Variants in PLEKHG1 observed in about 807,000 individuals in gnomAD.
PLEKHG1 encodes the protein pleckstrin homology and RhoGEF domain containing G1, also known as pleckstrin homology domain-containing family G member 1.
PLEKHG1 carries 44 observed loss-of-function variants against 100.8 expected under a neutral mutation model. That is an observed-to-expected ratio of 0.44 (90% CI 0.34 to 0.56). The LOEUF (loss-of-function observed/expected upper bound fraction) is 0.56. Ranked by LOEUF, PLEKHG1 falls within the 20% of genes least tolerant of loss-of-function variation. The pLI is 0.01. For synonymous variants in PLEKHG1, 640 were observed against 662.5 expected, an observed-to-expected ratio of 0.97 and a Z score of 0.52; for missense variants, 1,545 against 1,720.9, an observed-to-expected ratio of 0.90 and a Z score of 1.81.
intron 15 of PLEKHG1, among the ~76,000 whole-genome samples, chr6:150,838,371 G>T (rs117159558): frequency 0.02 from 3,053 of 152,276 alleles, 42 homozygotes; most frequent in Non-Finnish European, 0.031. Flanking sequence ...ACACAAATCT[G>T]TAAACTTTCT....
intron 2 of PLEKHG1, among the ~76,000 whole-genome samples, chr6:150,742,642 C>T (rs1181777798): frequency 6.6e-6 from 1 of 150,854 alleles, no homozygotes; most frequent in Non-Finnish European, 1.5e-5. Flanking sequence ...AGAGCTCACT[C>T]ACTGTCCTGA....
At position 150,640,173 on chromosome 6, in the gene PLEKHG1, T is replaced by C. The variant is rs973984009; in HGVS notation, c.-158+2048T>C. Among the ~76,000 whole-genome samples, 6 of 152,252 alleles carry C rather than the reference T, an allele frequency of 3.9e-5. No individual in the cohort carries two copies. The South Asian group carries it at 6.2e-4, about 16-fold the overall frequency. On this transcript the variant is annotated intron_variant, in intron 2 of 3. Coordinates refer to the PLEKHG1 transcript ENST00000367326. Reference sequence around the variant, plus strand: ...CCCGCCAGTAGGACCGATCACCTGATTGTTGATGGTGCAGAATGTGATATT... The same window carrying C: ...CCCGCCAGTAGGACCGATCACCTGACTGTTGATGGTGCAGAATGTGATATT...
chr6:150,725,323 G>A (rs1781908033), intron 1 of PLEKHG1, among the ~76,000 whole-genome samples: 2 of 152,154 alleles, frequency 1.3e-5, no homozygotes, highest in Admixed American at 6.5e-5. Context: ...TGGTGAGTAA[G>A]TTTCAACATA....
In PLEKHG1 at chr6:150,633,831, G is replaced by A. The variant is rs754600017; in HGVS notation, c.-203-4249G>A. On this transcript the variant is annotated intron_variant, in intron 1 of 3. Coordinates refer to the PLEKHG1 transcript ENST00000367326. ...GAGGCTGAGAGTCAGTGCAGAGGGT[G>A]AGTTTGGATGTATGGGAGGCAGCAG... Among the ~76,000 whole-genome samples, 58 of 152,306 alleles carry A rather than the reference G, an allele frequency of 3.8e-4. No individual in the cohort carries two copies. In the Middle Eastern group the frequency reaches 0.01, roughly 27 times the overall value.
intron 1 of PLEKHG1, among the ~76,000 whole-genome samples, chr6:150,621,764 G>A (rs970296583): frequency 2.6e-5 from 4 of 151,648 alleles, no homozygotes; most frequent in African/African-American, 7.3e-5. Flanking sequence ...GCAATAACAC[G>A]GACCATTAGT....
chr6:150,723,956 C>T (rs1781828394), intron 1 of PLEKHG1, among the ~76,000 whole-genome samples: 1 of 152,232 alleles, frequency 6.6e-6, no homozygotes, highest in Non-Finnish European at 1.5e-5. Context: ...GGAAACACAG[C>T]AGGGGCTGTA....
At chr6:150,743,819 C>G (rs1324742680) in intron 2 of PLEKHG1, among the ~76,000 whole-genome samples, 4 of 151,988 alleles carry the variant, frequency 2.6e-5, no homozygotes, top group Non-Finnish European at 4.4e-5. Context: ...TATTTAACAC[C>G]ATAGTTAGTG....
intron 2 of PLEKHG1, among the ~76,000 whole-genome samples, chr6:150,647,375 G>C (rs569142372): frequency 6.6e-6 from 1 of 152,252 alleles, no homozygotes; most frequent in African/African-American, 2.4e-5. Flanking sequence ...TGAGTCTGTT[G>C]TCTAAAATTA....
intron 14 of PLEKHG1, among the ~76,000 whole-genome samples, chr6:150,830,044 C>T (rs920193015): frequency 1.4e-4 from 21 of 152,212 alleles, no homozygotes; most frequent in African/African-American, 4.8e-4. Context: ...CTTGAAGAAT[C>T]TAAGAATTTT....
chr6:150,661,149 C>CA (rs1446757771), intron 3 of PLEKHG1, among the ~76,000 whole-genome samples: 1 of 152,186 alleles, frequency 6.6e-6, no homozygotes, highest in Non-Finnish European at 1.5e-5. Flanking sequence ...CCCTTGGTCT[C>CA]ACTCGCCTTG....
At chr6:150,674,914 C>A (rs1247314583) in intron 3 of PLEKHG1, among the ~76,000 whole-genome samples, 5 of 152,064 alleles carry the variant, frequency 3.3e-5, no homozygotes, top group Non-Finnish European at 5.9e-5. Context: ...AACTCCTGAC[C>A]TCAAGTAATC....
At chr6:150,702,653 A>G (rs1400647505) in intron 3 of PLEKHG1, among the ~76,000 whole-genome samples, 2 of 151,658 alleles carry the variant, frequency 1.3e-5, no homozygotes, top group Non-Finnish European at 2.9e-5. Context: ...TAAATCACCT[A>G]GTGTAATCCC....
intron 3 of PLEKHG1, among the ~76,000 whole-genome samples, chr6:150,691,099 CTAA>C (rs1239098119): frequency 1.3e-5 from 2 of 152,206 alleles, no homozygotes; most frequent in African/African-American, 4.8e-5. Flanking sequence ...ACCTGAAATA[CTAA>C]TATTTATCCT....
intron 11 of PLEKHG1, 21 bp from the exon 13 acceptor site, chr6:150,819,658 T>A (rs781441055): frequency 7.1e-7 from 1 of 1,411,326 alleles, no homozygotes. Context: ...GTCCCACTGA[T>A]GCACGTGGTT....
At chr6:150,632,972 G>A (rs770037018) in intron 1 of PLEKHG1, 5 of 151,960 alleles carry the variant, frequency 3.3e-5, no homozygotes, top group East Asian at 3.9e-4. Flanking sequence ...CTGTAGTTTC[G>A]CTTTTAAAAC....
intron 3 of PLEKHG1, among the ~76,000 whole-genome samples, chr6:150,701,190 G>T (rs1382936485): frequency 6.6e-6 from 1 of 150,548 alleles, no homozygotes; most frequent in Non-Finnish European, 1.5e-5. Flanking sequence ...TGTGGTGGTG[G>T]GCGCCAATAA....
At chr6:150,609,283 G>C (rs182793659) in intron 1 of PLEKHG1, among the ~76,000 whole-genome samples, 2 of 152,292 alleles carry the variant, frequency 1.3e-5, no homozygotes, top group Non-Finnish European at 2.9e-5. Flanking sequence ...CAAGTACTTT[G>C]AAGAAAATTA....
At chr6:150,734,460 C>A (rs184304405) in intron 2 of PLEKHG1, among the ~76,000 whole-genome samples, 92 of 152,288 alleles carry the variant, frequency 6.0e-4, no homozygotes, top group Non-Finnish European at 1.2e-3. Context: ...CTAAACCCCT[C>A]AGCTGTCCTT....
At chr6:150,601,635 T>C (rs1776362115) in intron 1 of PLEKHG1, among the ~76,000 whole-genome samples, 1 of 152,236 alleles carries the variant, frequency 6.6e-6, no homozygotes, top group South Asian at 2.1e-4. Context: ...AGAAACTTTT[T>C]TCTTCAGAGT....
Sources: allele counts gnomAD v4.1 joint callset (sites outside exome capture counted in the v4.1 genomes callset), GRCh38; gene constraint gnomAD v4.1.1; transcripts MANE v1.5; gene names NCBI Gene and HGNC (gene_info 2026-07-23, HGNC 2026-07-21).